The following LRRC40 variants were observed in gnomAD, a reference collection of about 807,000 sequenced individuals.
LRRC40 encodes leucine rich repeat containing 40, also known as leucine-rich repeat-containing protein 40.
Under a neutral mutation model 72.8 loss-of-function variants are expected in LRRC40, and 76 were observed. The ratio of observed to expected loss-of-function variants is 1.04; its 90% CI spans 0.87 to 1.26. The LOEUF (loss-of-function observed/expected upper bound fraction) is 1.26. Ranked by LOEUF, LRRC40 falls within the 50% of genes most tolerant of loss-of-function variation. The pLI, the probability that LRRC40 is intolerant of heterozygous loss-of-function variation, is 0.00. For synonymous variants in LRRC40, 243 were observed against 254.2 expected (o/e 0.96, Z 0.42); for missense variants, 684 against 698.9 (o/e 0.98, Z 0.24).
chr1:70,180,644 T>C (rs544010337), intron 5 of LRRC40, among the ~76,000 whole-genome samples: 41 of 152,308 alleles, frequency 2.7e-4, no homozygotes, highest in Middle Eastern at 3.4e-3. Context: ...ACATTTTGGT[T>C]CTTTTAAAAA....
chr1:70,174,283 C>T (rs1294002939), intron 7 of LRRC40, among the ~76,000 whole-genome samples: 1 of 151,872 alleles, frequency 6.6e-6, no homozygotes, highest in Non-Finnish European at 1.5e-5. Flanking sequence ...GTTCTCAAGT[C>T]CTCAGTTAAA....
intron 6 of LRRC40, among the ~76,000 whole-genome samples, chr1:70,178,114 T>C (rs764948128): frequency 4.6e-5 from 7 of 152,222 alleles, no homozygotes; most frequent in Non-Finnish European, 7.3e-5. Context: ...AGGAGACTAC[T>C]ACTAGTTAAG....
intron 12 of LRRC40, 125 bp downstream of exon 12, chr1:70,152,308 G>A: frequency 1.7e-6 from 1 of 578,702 alleles, no homozygotes; most frequent in Non-Finnish European, 3.1e-6. Flanking sequence ...CTAAACTATT[G>A]TTAATAAATA....
intron 7 of LRRC40, among the ~76,000 whole-genome samples, chr1:70,174,998 TGA>T (rs1448430336): frequency 6.6e-6 from 1 of 151,990 alleles, no homozygotes; most frequent in East Asian, 1.9e-4. Flanking sequence ...CATGTTGCTA[TGA>T]GAGTAGAAAT....
chr1:70,160,152 A>T lies in LRRC40; in HGVS notation c.1112-714T>A, dbSNP rs1667725518. On this transcript the variant is annotated intron_variant, in intron 9 of 14. Transcript: ENST00000370952. ...TGCAAAAAAGACTTGAACGATAGAG[A>T]AGTAAAATAAGACTATCACTTTTCA... Among the ~76,000 whole-genome samples, 2 of 152,180 alleles carry T rather than the reference A, an allele frequency of 1.3e-5. 1 individual carries two copies. The highest frequency in any genetic ancestry group is 4.1e-4 in the South Asian group (2 of 4,832).
At chr1:70,152,745 T>C (rs533896652) in intron 11 of LRRC40, among the ~76,000 whole-genome samples, 27 of 152,288 alleles carry the variant, frequency 1.8e-4, no homozygotes, top group African/African-American at 6.5e-4. Flanking sequence ...CTCACTCTTA[T>C]CTGTCCAAAA....
At chr1:70,181,705 T>A (rs1668250393) in intron 4 of LRRC40, among the ~76,000 whole-genome samples, 1 of 151,956 alleles carries the variant, frequency 6.6e-6, no homozygotes, top group Non-Finnish European at 1.5e-5. Flanking sequence ...AAAAAAAATA[T>A]TTTCTATTGG....
chr1:70,204,394 C>A (rs1486426526), intron 1 of LRRC40, among the ~76,000 whole-genome samples: 2 of 152,170 alleles, frequency 1.3e-5, no homozygotes, highest in East Asian at 3.9e-4. Context: ...GGTAAGAGAA[C>A]AGAATGTTAG....
At chr1:70,197,777 C>G (rs910080462) in intron 1 of LRRC40, among the ~76,000 whole-genome samples, 2 of 151,892 alleles carry the variant, frequency 1.3e-5, no homozygotes, top group Non-Finnish European at 2.9e-5. Context: ...ATGGTGTTTG[C>G]ACAGAAGGAT....
At chr1:70,179,575 G>C (rs561129733) in intron 5 of LRRC40, among the ~76,000 whole-genome samples, 40 of 152,272 alleles carry the variant, frequency 2.6e-4, no homozygotes, top group Admixed American at 7.2e-4. Context: ...AAGTATCATT[G>C]TCATGGCTGA....
At chr1:70,177,071 T>A (rs1668122716) in intron 6 of LRRC40, among the ~76,000 whole-genome samples, 1 of 151,968 alleles carries the variant, frequency 6.6e-6, no homozygotes, top group South Asian at 2.1e-4. Context: ...AGGTCAGGAG[T>A]TCGAGACCAG....
At chr1:70,196,557 A>G (rs993069228) in intron 1 of LRRC40, among the ~76,000 whole-genome samples, 12 of 151,646 alleles carry the variant, frequency 7.9e-5, no homozygotes, top group Admixed American at 7.2e-4. Flanking sequence ...CTCAAGAAAG[A>G]AAAAAAAAGA....
chr1:70,193,594 C>T (rs893710707), intron 1 of LRRC40, among the ~76,000 whole-genome samples: 1 of 151,952 alleles, frequency 6.6e-6, no homozygotes, highest in Non-Finnish European at 1.5e-5. Context: ...AAGAACAGTT[C>T]CCAATTCATC....
intron 13 of LRRC40, 130 bp downstream of exon 13, chr1:70,150,998 A>C: frequency 1.8e-6 from 1 of 548,316 alleles, no homozygotes; most frequent in Non-Finnish European, 3.3e-6. Context: ...AGAAGAACTA[A>C]GTGAAAATAA....
At chr1:70,146,768 T>C (rs576089742) in intron 14 of LRRC40, among the ~76,000 whole-genome samples, 1 of 152,150 alleles carries the variant, frequency 6.6e-6, no homozygotes, top group Admixed American at 6.5e-5. Context: ...CATTCTGCCC[T>C]CTCCCTCCTT....
intron 1 of LRRC40, among the ~76,000 whole-genome samples, chr1:70,196,073 A>T (rs72929211): frequency 2.9e-4 from 44 of 152,066 alleles, no homozygotes. Context: ...ACACAGACAC[A>T]CCTTCCATTT....
At chr1:70,171,011 T>C (rs1026473300) in intron 9 of LRRC40, among the ~76,000 whole-genome samples, 2 of 152,124 alleles carry the variant, frequency 1.3e-5, no homozygotes, top group Admixed American at 1.3e-4. Context: ...GTCAGACATA[T>C]AGATCAACAG....
intron 3 of LRRC40, among the ~76,000 whole-genome samples, chr1:70,185,194 A>G (rs1232472308): frequency 1.3e-5 from 2 of 152,100 alleles, no homozygotes; most frequent in Non-Finnish European, 2.9e-5. Flanking sequence ...CTTATAATCA[A>G]CTCTTGATTT....
intron 9 of LRRC40, among the ~76,000 whole-genome samples, chr1:70,159,769 T>C (rs1298732402): frequency 6.6e-6 from 1 of 152,196 alleles, no homozygotes; most frequent in African/African-American, 2.4e-5. Context: ...TAAAATAATA[T>C]GGTCCACTAG....
Sources: gnomAD v4.1 joint callset for allele counts (sites outside exome capture counted in the v4.1 genomes callset) on GRCh38, gnomAD v4.1.1 for gene constraint, MANE v1.5 for transcripts, NCBI Gene and HGNC (gene_info 2026-07-23, HGNC 2026-07-21) for gene names.